TMEM67: variants seen among roughly 807,000 people sequenced by gnomAD.
The protein encoded by TMEM67 is transmembrane protein 67.
In TMEM67, 124 loss-of-function variants were observed where a neutral mutation model predicts 136.6. The ratio of observed to expected loss-of-function variants is 0.91; its 90% CI spans 0.78 to 1.05. The LOEUF is 1.05. TMEM67 is among the 50% of genes least tolerant of loss of function. TMEM67 has a pLI of 0.00. For missense variants in TMEM67, 1,107 were observed against 1,178.4 expected, an observed-to-expected ratio of 0.94 and a Z score of 0.89; for synonymous variants, 364 against 390.5, an observed-to-expected ratio of 0.93 and a Z score of 0.80.
the TMEM67 span, among the ~76,000 whole-genome samples, chr8:93,830,835 C>A: frequency 6.6e-6 from 1 of 152,206 alleles, no homozygotes; most frequent in South Asian, 2.1e-4. Context: ...GGTAGGAATT[C>A]TTGTTATAAT....
At chr8:93,757,908 C>A (rs1812654591) in intron 2 of TMEM67, among the ~76,000 whole-genome samples, 1 of 151,950 alleles carries the variant, frequency 6.6e-6, no homozygotes, top group South Asian at 2.1e-4. Flanking sequence ...AGGCATACAC[C>A]ACCACGCCCA....
downstream of TMEM67, among the ~76,000 whole-genome samples, chr8:93,822,864 T>G (rs1809060312): frequency 2.0e-5 from 3 of 152,226 alleles, no homozygotes; most frequent in Admixed American, 2.0e-4. Context: ...TCAGGAATCT[T>G]CCTTCATTTT....
chr8:93,818,977 A>AT (rs774157697), downstream of TMEM67: 87 of 403,872 alleles, frequency 2.2e-4, no homozygotes, highest in African/African-American at 1.0e-3. Context: ...AATTTTTTGT[A>AT]TTTTTTTTGT....
intron 17 of TMEM67, 65 bp from the exon 18 acceptor site, chr8:93,795,836 A>G: frequency 7.5e-7 from 1 of 1,338,448 alleles, no homozygotes; most frequent in East Asian, 2.3e-5. Flanking sequence ...ACGAAAACAA[A>G]AAACAAACAA....
chr8:93,795,673 A>G (rs763722505), intron 17 of TMEM67, among the ~76,000 whole-genome samples, 166 bp downstream of exon 17: 1 of 152,162 alleles, frequency 6.6e-6, no homozygotes, highest in Non-Finnish European at 1.5e-5. Flanking sequence ...TTACATCACT[A>G]TCTTCCTCTT....
Position 93,781,695 on chromosome 8 carries a change from T to C in TMEM67, c.1016T>C (p.Ile339Thr). The change falls in exon 10 of 28, where the codon ATA becomes ACA. Residue 339 changes from isoleucine (I) to threonine (T), a missense_variant. By Grantham distance (89) the Ile-to-Thr change is moderately conservative (BLOSUM62 -1). Coordinates refer to ENST00000453321, the MANE Select transcript of TMEM67 (RefSeq NM_153704.6). The stretch of plus-strand genomic sequence containing the variant: ...AAGTTTGTTGCTGCTTCCTATGATA[T>C]AAGAGGAAATTTTCTCAAGTGGCAA... The part of the protein sequence containing the change: ...KLKFVAASYD[I>T]RGNFLKWQTL... 6.2e-7 allele frequency: 1 copy of C among 1,610,196 alleles called. No individual in the cohort carries two copies. The highest frequency in any genetic ancestry group is 2.2e-5 in the East Asian group (1 of 44,698).
the TMEM67 span, among the ~76,000 whole-genome samples, chr8:93,830,872 G>A: frequency 6.6e-6 from 1 of 152,184 alleles, no homozygotes; most frequent in African/African-American, 2.4e-5. Context: ...ATTTGCCCAC[G>A]TATTTCCATG....
chr8:93,795,412 G>A lies in TMEM67; in HGVS notation c.1678G>A (p.Val560Ile). The change falls in exon 17 of 28, where the codon GTT becomes ATT. Residue 560 changes from valine to isoleucine, a missense_variant. Physicochemically the swap from Val to Ile is conservative, Grantham distance 29. This residue lies in a region of TMEM67 where 925 missense variants were observed against 1,002.4 expected (regional missense o/e 0.92). Coordinates refer to ENST00000453321, the MANE Select transcript of TMEM67 (RefSeq NM_153704.6). ...AATTCTTTTTTTTAAATTGCAGACA[G>A]TTGTGAAATTCTTGGTGTACTATGC... is the stretch of plus-strand genomic sequence containing the variant. The part of the protein sequence containing the change: ...IGSPMIDLQT[V>I]VKFLVYYAGD... 1 of 1,613,716 alleles carries A rather than the reference G, an allele frequency of 6.2e-7. No homozygotes were observed. The highest frequency in any genetic ancestry group is 1.3e-5 in the African/African-American group (1 of 75,014).
In TMEM67 at chr8:93,799,662, T is replaced by G. The variant is rs1814779822; in HGVS notation, c.2145T>G (p.Ser715Arg). The G allele has an allele frequency of 2.9e-5, 47 of 1,613,600 alleles. No individual in the cohort carries two copies. The highest frequency in any genetic ancestry group is 3.9e-5 in the Non-Finnish European group (46 of 1,179,608). Residue 715 changes from serine (S) to arginine (R), a missense_variant, in exon 21 of 28, where the codon AGT (serine) becomes AGG (arginine). Transcript: ENST00000453321. ...TAGCATTAATGGACTCATCTTCTAG[T>G]CTTTCTAGAAACCCACCTAGCTACA... is the stretch of plus-strand genomic sequence containing the variant. Reference protein sequence around the residue: ...KNLALMDSSSSLSRNPPSYIA... With the variant: ...KNLALMDSSSRLSRNPPSYIA...
Position 93,786,225 on chromosome 8 carries a change from A to G in TMEM67, c.1291A>G (p.Ser431Gly). Reference sequence around the variant, plus strand: ...CTTTTTTCTTTTTATAATAAAAGACAGCAACTCTGGAAAGTGGCTTCTAAC... The same window carrying G: ...CTTTTTTCTTTTTATAATAAAAGACGGCAACTCTGGAAAGTGGCTTCTAAC... ...QHNKIFVNQD[S>G]NSGKWLLTRR... The change falls in exon 13 of 28, where the codon AGC (serine) becomes GGC (glycine). Residue 431 changes from serine to glycine, a missense_variant and splice_region_variant. Ser to Gly is a moderately conservative substitution (Grantham distance 56). Transcript: ENST00000453321. 1 of 1,613,876 alleles carries G rather than the reference A, an allele frequency of 6.2e-7. No individual in the cohort carries two copies. The highest frequency in any genetic ancestry group is 8.5e-7 in the Non-Finnish European group (1 of 1,179,916).
At chr8:93,778,011 G>A (rs1376725993) in intron 7 of TMEM67, among the ~76,000 whole-genome samples, 2 of 152,114 alleles carry the variant, frequency 1.3e-5, no homozygotes, top group African/African-American at 4.8e-5. Context: ...GGTCTCTAAG[G>A]ACTTGCTTTA....
intron 20 of TMEM67, among the ~76,000 whole-genome samples, chr8:93,797,847 C>A (rs944104738): frequency 1.3e-5 from 2 of 151,992 alleles, no homozygotes; most frequent in East Asian, 3.9e-4. Flanking sequence ...CTGGGCATGG[C>A]GGCACATGCC....
intron 3 of TMEM67, 132 bp downstream of exon 3, chr8:93,758,708 C>T (rs1812689450): frequency 1.3e-6 from 1 of 752,324 alleles, no homozygotes; most frequent in African/African-American, 1.7e-5. Flanking sequence ...AGCAATTCTC[C>T]TGCCTCAGCT....
intron 7 of TMEM67, among the ~76,000 whole-genome samples, chr8:93,773,701 C>A (rs1452437280): frequency 6.6e-6 from 1 of 152,122 alleles, no homozygotes; most frequent in Non-Finnish European, 1.5e-5. Flanking sequence ...GGTTGACAGG[C>A]AAACTCAACA....
chr8:93,811,376 A>G (rs1808691259), intron 26 of TMEM67: 1 of 152,238 alleles, frequency 6.6e-6, no homozygotes, highest in South Asian at 2.1e-4. Context: ...CAGTGCGCAA[A>G]GTGCATTATG....
intron 25 of TMEM67, among the ~76,000 whole-genome samples, chr8:93,809,486 A>T (rs1404960897): frequency 6.6e-6 from 1 of 152,180 alleles, no homozygotes; most frequent in Non-Finnish European, 1.5e-5. Context: ...CCAAAATATT[A>T]CTGTATTATT....
chr8:93,813,624 G>A (rs559269937), intron 26 of TMEM67, among the ~76,000 whole-genome samples: 1 of 152,326 alleles, frequency 6.6e-6, no homozygotes, highest in Non-Finnish European at 1.5e-5. Flanking sequence ...GTGACTAAGT[G>A]GGTGGTGGTG....
chr8:93,785,493 T>A (rs1814053827), intron 12 of TMEM67, 115 bp downstream of exon 12: 3 of 1,118,040 alleles, frequency 2.7e-6, no homozygotes, highest in Non-Finnish European at 4.0e-6. Context: ...TTCTCTCTTA[T>A]GTGGTTCTAT....
At chr8:93,788,617 A>G (rs1814230916) in intron 14 of TMEM67, among the ~76,000 whole-genome samples, 1 of 152,198 alleles carries the variant, frequency 6.6e-6, no homozygotes, top group African/African-American at 2.4e-5. Context: ...CCAGGAACTC[A>G]GACTTTACAG....
Sources: allele counts gnomAD v4.1 joint callset (sites outside exome capture counted in the v4.1 genomes callset), GRCh38; gene constraint gnomAD v4.1.1; regional missense constraint gnomAD v4.1.1; transcripts MANE v1.5; gene names NCBI Gene and HGNC (gene_info 2026-07-23, HGNC 2026-07-21).